PAK2: variants seen among roughly 807,000 people sequenced by gnomAD.
PAK2 encodes serine/threonine-protein kinase PAK 2.
In PAK2, 21 loss-of-function variants were observed where a neutral mutation model predicts 65.9. That is an observed-to-expected ratio of 0.32 (90% CI 0.23 to 0.46). The LOEUF is 0.46. Among genes scored for constraint, PAK2 ranks in the 20% least tolerant of loss-of-function variants. The pLI, the probability that PAK2 is intolerant of heterozygous loss-of-function variation, is 1.00. For synonymous variants in PAK2, 204 were observed against 219.7 expected, an observed-to-expected ratio of 0.93 and a Z score of 0.63; for missense variants, 324 against 642.6, an observed-to-expected ratio of 0.50 and a Z score of 5.36.
chr3:196,796,677 CA>C (rs1715269587), intron 2 of PAK2, among the ~76,000 whole-genome samples: 1 of 152,018 alleles, frequency 6.6e-6, no homozygotes, highest in African/African-American at 2.4e-5. Flanking sequence ...TTGATAAAAA[CA>C]GACCTACCTA....
intron 1 of PAK2, among the ~76,000 whole-genome samples, chr3:196,749,965 A>G (rs7638090): frequency 0.47 from 70,000 of 150,398 alleles, 16,782 homozygotes; most frequent in Non-Finnish European, 0.53. Flanking sequence ...AGGACTACAG[A>G]TACGCTACCT....
rs568864725 is a variant in PAK2, at chr3:196,825,506, T to G, written c.1351-1690T>G. 2.7e-4 allele frequency among the ~76,000 whole-genome samples: 41 copies of G among 149,584 alleles called. 1 individual carries two copies. The highest frequency in any genetic ancestry group is 3.4e-3 in the Middle Eastern group (1 of 290). ...AAAATACAAAAAATTAGCCGGGCAT[T>G]TTGGCGGGCGCCTATAATCCCAGCT... On this transcript the variant is annotated intron_variant, in intron 13 of 14. Coordinates refer to ENST00000327134, the MANE Select transcript of PAK2 (RefSeq NM_002577.4).
chr3:196,747,769 G>A (rs1713438298), intron 1 of PAK2, among the ~76,000 whole-genome samples: 1 of 152,074 alleles, frequency 6.6e-6, no homozygotes, highest in East Asian at 1.9e-4. Context: ...ATTAGTCCTA[G>A]TAAGAACTAT....
intron 1 of PAK2, among the ~76,000 whole-genome samples, chr3:196,769,817 AAAAAAG>A (rs371313478): frequency 0.035 from 1,676 of 48,224 alleles, 51 homozygotes; most frequent in African/African-American, 0.073. Context: ...ACTCTGTCTC[AAAAAAG>A]AAAAAGAAAA....
At chr3:196,825,109 GC>G (rs1295162067) in intron 13 of PAK2, among the ~76,000 whole-genome samples, 1 of 152,286 alleles carries the variant, frequency 6.6e-6, no homozygotes, top group Admixed American at 6.5e-5. Flanking sequence ...ACTTTGGGAG[GC>G]CAAGGTGGGC....
chr3:196,778,478 A>T (rs1161258347), intron 1 of PAK2, among the ~76,000 whole-genome samples: 1 of 152,224 alleles, frequency 6.6e-6, no homozygotes, highest in Non-Finnish European at 1.5e-5. Flanking sequence ...CCTTTTTAAT[A>T]GAGTTTTTAT....
At chr3:196,759,498 GTTTTTTTTTTTTTTTTTTTTTTTTT>G (rs71301221) in intron 1 of PAK2, among the ~76,000 whole-genome samples, 12 of 108,114 alleles carry the variant, frequency 1.1e-4, no homozygotes, top group African/African-American at 4.3e-4. Flanking sequence ...GGTTTTTTTT[GTTTTTTTTTTTTTTTTTTTTTTTTT>G]TTTTTTTTTT....
intron 1 of PAK2, among the ~76,000 whole-genome samples, chr3:196,777,811 T>C (rs1307166416): frequency 1.3e-5 from 2 of 152,248 alleles, no homozygotes; most frequent in Non-Finnish European, 2.9e-5. Flanking sequence ...GTCTTATAAA[T>C]AGTAATGATG....
At chr3:196,751,852 C>G (rs34696046) in intron 1 of PAK2, among the ~76,000 whole-genome samples, 67,617 of 146,118 alleles carry the variant, frequency 0.46, 16,108 homozygotes, top group Non-Finnish European at 0.53. Context: ...AAGTGATTCT[C>G]CTGCCTCAGT....
chr3:196,758,845 A>T (rs1405210170), intron 1 of PAK2, among the ~76,000 whole-genome samples: 1 of 151,996 alleles, frequency 6.6e-6, no homozygotes, highest in Admixed American at 6.6e-5. Context: ...TTTAGTAGAG[A>T]CACAGTTTCA....
chr3:196,763,300 T>C (rs1714046214), intron 1 of PAK2, among the ~76,000 whole-genome samples: 1 of 152,152 alleles, frequency 6.6e-6, no homozygotes, highest in African/African-American at 2.4e-5. Flanking sequence ...TGCAGTAGAC[T>C]CAGTGCTGCT....
chr3:196,796,539 T>G (rs573396758), intron 2 of PAK2, among the ~76,000 whole-genome samples: 5 of 152,312 alleles, frequency 3.3e-5, no homozygotes, highest in Admixed American at 1.3e-4. Context: ...CTAAATATAC[T>G]AAAACCCATT....
chr3:196,759,524 T>G (rs967077979), intron 1 of PAK2, among the ~76,000 whole-genome samples: 153 of 134,820 alleles, frequency 1.1e-3, no homozygotes, highest in Non-Finnish European at 1.9e-3. Flanking sequence ...TTTTTTTTTT[T>G]TTTTTTTTTT....
chr3:196,812,802 C>T lies in PAK2; in HGVS notation c.886C>T (p.Leu296=), dbSNP rs56386946. ...PKKELIINEI[L]VMKELKNPNI... is the part of the protein sequence containing the mutation. ...GAAGGAACTGATCATTAACGAGATT[C>T]TGGTGATGAAAGAATTGAAAAATCC... The change falls in exon 10 of 15, where the codon CTG becomes TTG. Residue 296 remains leucine (L), a synonymous_variant. Coordinates refer to ENST00000327134, the MANE Select transcript of PAK2 (RefSeq NM_002577.4). 175 of 1,581,490 alleles carry T rather than the reference C, an allele frequency of 1.1e-4. No homozygotes were observed. Among genetic ancestry groups the T allele is most frequent in the Middle Eastern group, 1.7e-4 (1 of 5,998 alleles).
intron 1 of PAK2, among the ~76,000 whole-genome samples, chr3:196,772,848 T>TA (rs1336418127): frequency 6.6e-6 from 1 of 152,236 alleles, no homozygotes; most frequent in Non-Finnish European, 1.5e-5. Flanking sequence ...TAATTAGTGT[T>TA]ACTGCATTCA....
rs1287405010 is a variant in PAK2 at position 196,830,007 on chromosome 3, A to G, written c.*1602A>G. 1 of 149,804 alleles carries G rather than the reference A, an allele frequency of 6.7e-6. No homozygotes were observed. The highest frequency in any genetic ancestry group is 2.5e-5 in the African/African-American group (1 of 40,480). The allele number at this position is 149,804 out of a possible 1,614,324, so 9.3% of individuals were successfully genotyped here. A position where few individuals can be genotyped will look rare whatever the true frequency, so the allele number is the denominator to read the frequency against. ...CAAGTATCTGTGGTTTGGTTCTGGCATTTTGTTCCCACCATCCCCTTCCCC... is the reference window on the plus strand; with the variant it reads ...CAAGTATCTGTGGTTTGGTTCTGGCGTTTTGTTCCCACCATCCCCTTCCCC... On this transcript the variant is annotated 3_prime_UTR_variant, in exon 15 of 15. Transcript: ENST00000327134.
intron 2 of PAK2, among the ~76,000 whole-genome samples, chr3:196,788,131 T>C (rs1714956821): frequency 6.6e-6 from 1 of 152,234 alleles, no homozygotes; most frequent in African/African-American, 2.4e-5. Flanking sequence ...TCTGGAGCAT[T>C]CCTCGTGGAT....
intron 2 of PAK2, among the ~76,000 whole-genome samples, chr3:196,793,866 C>T (rs1169863276): frequency 2.0e-5 from 3 of 152,192 alleles, no homozygotes; most frequent in Non-Finnish European, 4.4e-5. Flanking sequence ...AGCGGTGGCT[C>T]ACACCTGTAA....
chr3:196,762,298 G>A (rs1423405190), intron 1 of PAK2, among the ~76,000 whole-genome samples: 4 of 131,668 alleles, frequency 3.0e-5, no homozygotes, highest in East Asian at 2.1e-4. Context: ...ACGGGGTGGC[G>A]GCCGGGCAGA....
Sources: allele counts gnomAD v4.1 joint callset (sites outside exome capture counted in the v4.1 genomes callset), GRCh38; gene constraint gnomAD v4.1.1; transcripts MANE v1.5; gene names NCBI Gene and HGNC (gene_info 2026-07-23, HGNC 2026-07-21).